SLC9A7: variants seen among roughly 807,000 people sequenced by gnomAD.
The protein encoded by SLC9A7 is solute carrier family 9 member A7, also known as sodium/hydrogen exchanger 7.
A neutral mutation model predicts 52.6 loss-of-function variants in SLC9A7; 19 were observed. That is an observed-to-expected ratio of 0.36 (90% CI 0.25 to 0.53). The LOEUF (loss-of-function observed/expected upper bound fraction) is 0.53. SLC9A7 is among the 20% of genes least tolerant of loss of function. SLC9A7 has a pLI of 0.91. For missense variants in SLC9A7, 455 were observed against 597.9 expected (o/e 0.76, Z 2.49); for synonymous variants, 226 against 252.1 (o/e 0.90, Z 0.98).
At chrX:46,718,757 A>T (rs1944811794) in intron 1 of SLC9A7, among the ~76,000 whole-genome samples, 1 of 112,271 alleles carries the variant, frequency 8.9e-6, no homozygotes, top group African/African-American at 3.2e-5. Context: ...ATACCATGTC[A>T]CACCAGTTAG....
At chrX:46,669,065 C>T (rs866699602) in intron 5 of SLC9A7, among the ~76,000 whole-genome samples, 10 of 107,090 alleles carry the variant, frequency 9.3e-5, no homozygotes, top group Admixed American at 2.0e-4. Flanking sequence ...CTACTCAGGA[C>T]GCTGAGGCAG....
intron 1 of SLC9A7, among the ~76,000 whole-genome samples, chrX:46,713,062 C>T (rs1026905314): frequency 1.8e-5 from 2 of 112,414 alleles, no homozygotes; most frequent in Non-Finnish European, 3.8e-5. Context: ...CTATTTAATT[C>T]TCATAATCTG....
chrX:46,737,046 C>A (rs1945132727), intron 1 of SLC9A7, among the ~76,000 whole-genome samples: 1 of 111,882 alleles, frequency 8.9e-6, no homozygotes, highest in African/African-American at 3.3e-5. Flanking sequence ...GAAAGTAGAT[C>A]TTCTTTCTTT....
intron 1 of SLC9A7, chrX:46,685,668 G>A (rs1944283633): frequency 1.8e-5 from 2 of 110,837 alleles, no homozygotes; most frequent in South Asian, 3.9e-4. Flanking sequence ...CAGGGCTCTG[G>A]GGGGCTCTCT....
At chrX:46,621,285 A>G (rs1025659641) in intron 14 of SLC9A7, among the ~76,000 whole-genome samples, 2 of 112,297 alleles carry the variant, frequency 1.8e-5, no homozygotes, top group African/African-American at 6.5e-5. Flanking sequence ...ATGCCTGTGG[A>G]TAGCTCAAAC....
intron 4 of SLC9A7, among the ~76,000 whole-genome samples, chrX:46,672,235 A>G (rs1424639478): frequency 3.6e-5 from 4 of 111,448 alleles, no homozygotes; most frequent in Non-Finnish European, 7.5e-5. Context: ...CTGGCATTAC[A>G]AGATACTCCC....
In SLC9A7 at chrX:46,642,066, T is replaced by C. The variant is rs1051506889; in HGVS notation, c.1616+1170A>G. Among the ~76,000 whole-genome samples, 4 of 112,039 alleles carry C rather than the reference T, an allele frequency of 3.6e-5. No homozygotes were observed. In the Admixed American group the frequency reaches 3.8e-4, roughly 11 times the overall value. On this transcript the variant is annotated intron_variant, in intron 12 of 16. Coordinates refer to ENST00000616978, the MANE Select transcript of SLC9A7 (RefSeq NM_001257291.2). ...GTGAAGCTGGCAGTGGAAGTGGAAG[T>C]GGCAGTGGCTGGCAGCAGAAGTGGC...
intron 1 of SLC9A7, among the ~76,000 whole-genome samples, chrX:46,738,095 GAAA>G (rs1569525285): frequency 5.3e-5 from 3 of 56,667 alleles, no homozygotes; most frequent in African/African-American, 8.8e-5. Flanking sequence ...AAGAAAGAAA[GAAA>G]GAAAGAAAGA....
chrX:46,721,335 C>T (rs1314986129), intron 1 of SLC9A7, among the ~76,000 whole-genome samples: 1 of 111,416 alleles, frequency 9.0e-6, no homozygotes, highest in African/African-American at 3.3e-5. Flanking sequence ...GATACATTTG[C>T]ACTGTTCTAT....
At chrX:46,688,368 C>A (rs758928374) in intron 1 of SLC9A7, among the ~76,000 whole-genome samples, 1 of 111,277 alleles carries the variant, frequency 9.0e-6, no homozygotes, top group Admixed American at 9.6e-5. Flanking sequence ...GAGGCCGAGG[C>A]GGGCAGATCA....
At position 46,648,694 on chromosome X, in the gene SLC9A7, A is replaced by T; in HGVS notation, c.1454T>A (p.Met485Lys). Residue 485 changes from methionine to lysine, a missense_variant, in exon 11 of 17, where the codon ATG (methionine) becomes AAG (lysine). Met to Lys is a moderately conservative substitution (Grantham distance 95). Around this residue, in one of 3 missense-constraint regions of SLC9A7, gnomAD observed 304 missense variants for 417.8 expected, o/e 0.73. Transcript: ENST00000616978. The part of the protein sequence containing the change: ...KIGWNFQHMM[M>K]FSGLRGAMAF... Reference sequence around the variant, plus strand: ...CACTTACGCCTTTTTACCTGAAAACATCATCATGTGTTGAAAATTCCAGCC... The same window carrying T: ...CACTTACGCCTTTTTACCTGAAAACTTCATCATGTGTTGAAAATTCCAGCC... The T allele has an allele frequency of 8.3e-7, 1 of 1,202,503 alleles. No homozygotes were observed.
At chrX:46,744,320 C>T (rs1275213072) in intron 1 of SLC9A7, among the ~76,000 whole-genome samples, 1 of 112,589 alleles carries the variant, frequency 8.9e-6, no homozygotes, top group African/African-American at 3.2e-5. Context: ...TCTTATTGCA[C>T]AGCAATATGC....
chrX:46,641,606 T>C (rs1416802331), intron 12 of SLC9A7, among the ~76,000 whole-genome samples: 3 of 112,432 alleles, frequency 2.7e-5, no homozygotes, highest in Non-Finnish European at 5.6e-5. Context: ...TAAGAGACTG[T>C]AAATTTTCTT....
At chrX:46,690,823 G>A (rs1037490822) in intron 1 of SLC9A7, among the ~76,000 whole-genome samples, 5 of 111,741 alleles carry the variant, frequency 4.5e-5, no homozygotes, top group African/African-American at 1.3e-4. Context: ...TTTTGCATAC[G>A]GGTATCTAAT....
At chrX:46,694,172 TA>T (rs1024160586) in intron 1 of SLC9A7, among the ~76,000 whole-genome samples, 1 of 103,273 alleles carries the variant, frequency 9.7e-6, no homozygotes, top group Non-Finnish European at 2.0e-5. Context: ...AAGTCAAAAT[TA>T]AAAAAAAAGA....
At chrX:46,714,269 C>A (rs956199859) in intron 1 of SLC9A7, among the ~76,000 whole-genome samples, 11 of 111,617 alleles carry the variant, frequency 9.9e-5, no homozygotes, top group African/African-American at 3.6e-4. Context: ...AGCTGGTAAA[C>A]TGTAGAAGTA....
At chrX:46,720,377 TCTC>T (rs1284553777) in intron 1 of SLC9A7, among the ~76,000 whole-genome samples, 2 of 110,248 alleles carry the variant, frequency 1.8e-5, no homozygotes, top group Non-Finnish European at 3.8e-5. Context: ...CACCCCCTCT[TCTC>T]CTTATTATCA....
chrX:46,754,452 G>A (rs782309988), intron 1 of SLC9A7, among the ~76,000 whole-genome samples: 1 of 112,041 alleles, frequency 8.9e-6, no homozygotes, highest in Admixed American at 9.5e-5. Context: ...AAAGTGAGGG[G>A]CTCTTAAAAG....
In SLC9A7 at chrX:46,682,359, C is replaced by G; in HGVS notation, c.502G>C (p.Glu168Gln). The change falls in exon 2 of 17, where the codon GAG (glutamate) becomes CAG (glutamine). Residue 168 changes from glutamate (E) to glutamine (Q), a missense_variant. Physicochemically the swap from Glu to Gln is conservative, Grantham distance 29. Coordinates refer to ENST00000616978, the MANE Select transcript of SLC9A7 (RefSeq NM_001257291.2). ...ACCTTCCGTAGCATATCATTCTGCT[C>G]TACGCTGTTGATCTTGCCAGGACTG... ...EISPGKINSVEQNDMLRKVTF... is the reference protein window; with the variant it reads ...EISPGKINSVQQNDMLRKVTF... 2.5e-6 allele frequency: 3 copies of G among 1,211,761 alleles called. No individual in the cohort carries two copies. The highest frequency in any genetic ancestry group is 3.4e-6 in the Non-Finnish European group (3 of 895,372).
Sources: allele counts gnomAD v4.1 joint callset (sites outside exome capture counted in the v4.1 genomes callset), GRCh38; gene constraint gnomAD v4.1.1; regional missense constraint gnomAD v4.1.1; transcripts MANE v1.5; gene names NCBI Gene and HGNC (gene_info 2026-07-23, HGNC 2026-07-21).